PCDHB8: variants seen among roughly 807,000 people sequenced by gnomAD.
The protein encoded by PCDHB8 is protocadherin beta-8.
For synonymous variants in PCDHB8, 385 were observed against 448.5 expected (o/e 0.86, Z 1.79); for missense variants, 836 against 1,004.0 (o/e 0.83, Z 2.26).
rs781830276 is a variant in PCDHB8 at position 141,180,463 on chromosome 5, A to G, written c.*23A>G. The stretch of plus-strand genomic sequence containing the variant: ...TAATTGATTTCATATTATATATTTT[A>G]ATTTTTATGATCAATTCAAAGGAAT... On this transcript the variant is annotated 3_prime_UTR_variant, in exon 1 of 1. Transcript: ENST00000239444. The G allele has an allele frequency of 1.4e-6, 2 of 1,428,466 alleles. No homozygotes were observed. Among genetic ancestry groups the G allele is most frequent in the Non-Finnish European group, 1.9e-6 (2 of 1,073,246 alleles). The allele number at this position is 1,428,466 out of a possible 1,614,324, so 88.5% of individuals were successfully genotyped here.
chr5:141,178,479 C>T lies in PCDHB8; in HGVS notation c.445C>T (p.Pro149Ser). The T allele has an allele frequency of 6.2e-7, 1 of 1,614,154 alleles. No homozygotes were observed. Among genetic ancestry groups the T allele is most frequent in the Non-Finnish European group, 8.5e-7 (1 of 1,180,026 alleles). ...GGTGAAAGTATCAGAGAGCAGTCCT[C>T]CTGGGACTGCGTTTCCTCTGAAGAA... ...MLVKVSESSPPGTAFPLKNAE... is the reference protein window; with the variant it reads ...MLVKVSESSPSGTAFPLKNAE... Residue 149 changes from proline (P) to serine (S), a missense_variant, in exon 1 of 1, where the codon CCT becomes TCT. Physicochemically the swap from Pro to Ser is moderately conservative, Grantham distance 74 (BLOSUM62 -1). Transcript: ENST00000239444.
Position 141,180,265 on chromosome 5 carries a change from G to T in PCDHB8, c.2231G>T (p.Gly744Val). Residue 744 changes from glycine to valine, a missense_variant, in exon 1 of 1, where the codon GGG (glycine) becomes GTG (valine). Physicochemically the swap from Gly to Val is moderately radical, Grantham distance 109 (BLOSUM62 -3). Coordinates refer to ENST00000239444, the MANE Select transcript of PCDHB8 (RefSeq NM_019120.5). ...CATCTGGTGGACGTGAGGGGCACCG[G>T]GAGCCTGTCTCAGAACTATCAGTAC... ...PGHLVDVRGT[G>V]SLSQNYQYEV... The T allele has an allele frequency of 1.2e-6, 2 of 1,613,886 alleles. No homozygotes were observed. Among genetic ancestry groups the T allele is most frequent in the Non-Finnish European group, 1.7e-6 (2 of 1,179,962 alleles).
Position 141,180,311 on chromosome 5 carries a change from C to T in PCDHB8, c.2277C>T (p.Gly759=). 2 of 1,614,068 alleles carry T rather than the reference C, an allele frequency of 1.2e-6. No individual in the cohort carries two copies. The highest frequency in any genetic ancestry group is 1.7e-6 in the Non-Finnish European group (2 of 1,179,966). Residue 759 remains glycine (G), a synonymous_variant, in exon 1 of 1, where the codon GGC becomes GGT. Coordinates refer to ENST00000239444, the MANE Select transcript of PCDHB8 (RefSeq NM_019120.5). ...NYQYEVCLAG[G]SGTNEFQLLK... is the part of the protein sequence containing the mutation. ...AGTACGAGGTGTGCCTGGCAGGAGG[C>T]TCAGGGACGAATGAGTTCCAGCTCC...
chr5:141,179,724 T>C lies in PCDHB8; in HGVS notation c.1690T>C (p.Tyr564His), dbSNP rs782627939. Residue 564 changes from tyrosine to histidine, a missense_variant, in exon 1 of 1, where the codon TAC (tyrosine) becomes CAC (histidine). Coordinates refer to ENST00000239444, the MANE Select transcript of PCDHB8 (RefSeq NM_019120.5). ...CAACGACAACTCGCCCTTCGTGCTG[T>C]ACCCGCTGCAGAATGGCTCCGCGCC... ...DANDNSPFVLYPLQNGSAPCT... is the reference protein window; with the variant it reads ...DANDNSPFVLHPLQNGSAPCT... The C allele has an allele frequency of 6.2e-7, 1 of 1,611,794 alleles. No homozygotes were observed. Among genetic ancestry groups the C allele is most frequent in the South Asian group, 1.1e-5 (1 of 90,988 alleles).
At position 141,179,538 on chromosome 5, in the gene PCDHB8, G is replaced by A. The variant is rs1348378409; in HGVS notation, c.1504G>A (p.Ala502Thr). The change falls in exon 1 of 1, where the codon GCC becomes ACC. Residue 502 changes from alanine to threonine, a missense_variant. By Grantham distance (58) the Ala-to-Thr change is moderately conservative. Transcript: ENST00000239444. Reference protein sequence around the residue: ...LPPQDPHLPLASLVSINTDNG... With the variant: ...LPPQDPHLPLTSLVSINTDNG... ...GCCCCAGGATCCGCACCTGCCCCTC[G>A]CCTCCCTGGTCTCCATCAACACAGA... 9.3e-6 allele frequency: 15 copies of A among 1,613,714 alleles called. No homozygotes were observed. The highest frequency in any genetic ancestry group is 1.7e-4 in the Middle Eastern group (1 of 5,720).
chr5:141,180,429 C>T lies in PCDHB8; in HGVS notation c.2395C>T (p.Gln799Ter). 1.3e-6 allele frequency: 2 copies of T among 1,569,468 alleles called. No homozygotes were observed. Among genetic ancestry groups the T allele is most frequent in the Non-Finnish European group, 1.7e-6 (2 of 1,155,256 alleles). The part of the protein sequence containing the change: ...NFRNGFGFSL[Q>*]LK ...TAGGAATGGCTTTGGTTTCAGCCTTCAGTTAAAGTAATTGATTTCATATTA... is the reference window on the plus strand; with the variant it reads ...TAGGAATGGCTTTGGTTTCAGCCTTTAGTTAAAGTAATTGATTTCATATTA... The change falls in exon 1 of 1, where the codon CAG becomes TAG. Residue 799 changes from glutamine to a stop codon, truncating the protein, a stop_gained. Transcript: ENST00000239444. LOFTEE classifies it high-confidence loss of function.
chr5:141,180,065 T>C lies in PCDHB8; in HGVS notation c.2031T>C (p.Ala677=). 6.2e-7 allele frequency: 1 copy of C among 1,609,954 alleles called. No homozygotes were observed. Among genetic ancestry groups the C allele is most frequent in the South Asian group, 1.1e-5 (1 of 90,988 alleles). The change falls in exon 1 of 1, where the codon GCT becomes GCC. Residue 677 remains alanine, a synonymous_variant. Coordinates refer to ENST00000239444, the MANE Select transcript of PCDHB8 (RefSeq NM_019120.5). ...AGCCCTACCTGCCGCTTCCGGAGGC[T>C]GCCCCAGCCCAGGGCCAGGCCGACT... ...FSQPYLPLPE[A]APAQGQADSL... is the part of the protein sequence containing the mutation.
In PCDHB8 at chr5:141,179,604, G is replaced by C; in HGVS notation, c.1570G>C (p.Ala524Pro). The change falls in exon 1 of 1, where the codon GCC becomes CCC. Residue 524 changes from alanine to proline, a missense_variant. Transcript: ENST00000239444. ...CGCCCTCAGGTCGCTGGACTACGAG[G>C]CCCTGCAGGCGTTCGAGTTCCGGGT... ...LFALRSLDYE[A>P]LQAFEFRVGA... 1 of 1,613,506 alleles carries C rather than the reference G, an allele frequency of 6.2e-7. No individual in the cohort carries two copies. Among genetic ancestry groups the C allele is most frequent in the Non-Finnish European group, 8.5e-7 (1 of 1,179,938 alleles).
chr5:141,178,084 C>T lies in PCDHB8; in HGVS notation c.50C>T (p.Ser17Phe), dbSNP rs782235899. Residue 17 changes from serine to phenylalanine, a missense_variant, in exon 1 of 1, where the codon TCC becomes TTC. Physicochemically the swap from Ser to Phe is radical, Grantham distance 155. Coordinates refer to ENST00000239444, the MANE Select transcript of PCDHB8 (RefSeq NM_019120.5). Reference sequence around the variant, plus strand: ...TGCAGACAAAGGCAAGTCCTTTTTTCCTTTCTCCTTTTGGGCTTATCTCTG... The same window carrying T: ...TGCAGACAAAGGCAAGTCCTTTTTTTCTTTCTCCTTTTGGGCTTATCTCTG... ...LICRQRQVLF[S>F]FLLLGLSLAG... The T allele has an allele frequency of 3.7e-6, 6 of 1,612,434 alleles. No individual in the cohort carries two copies. The highest frequency in any genetic ancestry group is 1.3e-5 in the African/African-American group (1 of 74,192).
chr5:141,180,173 G>T lies in PCDHB8; in HGVS notation c.2139G>T (p.Leu713=), dbSNP rs1753520970. 1.2e-6 allele frequency: 2 copies of T among 1,612,496 alleles called. No individual in the cohort carries two copies. The highest frequency in any genetic ancestry group is 1.7e-6 in the Non-Finnish European group (2 of 1,179,954). The change falls in exon 1 of 1, where the codon CTG becomes CTT. Residue 713 remains leucine, a synonymous_variant. Transcript: ENST00000239444. ...CGGTGCTCCTGTTCGTGGCGGTGCT[G>T]CTGTGTAGGAGGAGCAGGGCGGCCT... The part of the protein sequence containing the change: ...LFSVLLFVAV[L]LCRRSRAASV...
Position 141,179,942 on chromosome 5 carries a change from G to C in PCDHB8, c.1908G>C (p.Ala636=). ...RTARLLSERD[A]AKQRLVVLVK... The stretch of plus-strand genomic sequence containing the variant: ...CCAGGCTGCTGAGCGAGCGCGACGC[G>C]GCCAAGCAGAGGCTGGTGGTGCTGG... The change falls in exon 1 of 1, where the codon GCG becomes GCC. Residue 636 remains alanine, a synonymous_variant. Coordinates refer to ENST00000239444, the MANE Select transcript of PCDHB8 (RefSeq NM_019120.5). The C allele has an allele frequency of 2.6e-6, 4 of 1,556,824 alleles. No homozygotes were observed. Among genetic ancestry groups the C allele is most frequent in the Non-Finnish European group, 3.5e-6 (4 of 1,137,546 alleles).
In PCDHB8 at chr5:141,179,448, G is replaced by A. The variant is rs139165988; in HGVS notation, c.1414G>A (p.Gly472Ser). 3.7e-6 allele frequency: 6 copies of A among 1,613,784 alleles called. No homozygotes were observed. The highest frequency in any genetic ancestry group is 1.3e-5 in the African/African-American group (1 of 74,926). Residue 472 changes from glycine to serine, a missense_variant, in exon 1 of 1, where the codon GGC becomes AGC. By Grantham distance (56) the Gly-to-Ser change is moderately conservative. Transcript: ENST00000239444. Reference protein sequence around the residue: ...RENNSPALHIGSVSATDRDSG... With the variant: ...RENNSPALHISSVSATDRDSG... ...GAACAACAGCCCCGCCCTGCACATCGGCAGCGTCAGCGCCACAGACAGAGA... is the reference window on the plus strand; with the variant it reads ...GAACAACAGCCCCGCCCTGCACATCAGCAGCGTCAGCGCCACAGACAGAGA...
At position 141,180,382 on chromosome 5, in the gene PCDHB8, A is replaced by G; in HGVS notation, c.2348A>G (p.Glu783Gly). The G allele has an allele frequency of 6.2e-7, 1 of 1,610,878 alleles. No homozygotes were observed. Among genetic ancestry groups the G allele is most frequent in the South Asian group, 1.1e-5 (1 of 91,032 alleles). The change falls in exon 1 of 1, where the codon GAA becomes GGA. Residue 783 changes from glutamate (E) to glycine (G), a missense_variant. Glu to Gly is a moderately conservative substitution (Grantham distance 98). Transcript: ENST00000239444. The stretch of plus-strand genomic sequence containing the variant: ...ATTCAGGGCCATTCTTTTGGGCCAG[A>G]AATGGAACAAAACTCTAACTTTAGG... ...PNIQGHSFGP[E>G]MEQNSNFRNG...
chr5:141,179,269 G>T lies in PCDHB8; in HGVS notation c.1235G>T (p.Arg412Ile). ...YTLLTETPLDRESRAEYNVTI... is the reference protein window; with the variant it reads ...YTLLTETPLDIESRAEYNVTI... Reference sequence around the variant, plus strand: ...CTACTAACAGAGACACCACTAGACAGAGAAAGCAGAGCCGAGTACAACGTC... The same window carrying T: ...CTACTAACAGAGACACCACTAGACATAGAAAGCAGAGCCGAGTACAACGTC... Residue 412 changes from arginine to isoleucine, a missense_variant, in exon 1 of 1, where the codon AGA becomes ATA. Coordinates refer to ENST00000239444, the MANE Select transcript of PCDHB8 (RefSeq NM_019120.5). 1 of 1,614,216 alleles carries T rather than the reference G, an allele frequency of 6.2e-7. No individual in the cohort carries two copies.
chr5:141,180,358 T>C lies in PCDHB8; in HGVS notation c.2324T>C (p.Ile775Thr). Residue 775 changes from isoleucine (I) to threonine (T), a missense_variant, in exon 1 of 1, where the codon ATT (isoleucine) becomes ACT (threonine). By Grantham distance (89) the Ile-to-Thr change is moderately conservative. Coordinates refer to ENST00000239444, the MANE Select transcript of PCDHB8 (RefSeq NM_019120.5). ...FQLLKPVLPN[I>T]QGHSFGPEME... The stretch of plus-strand genomic sequence containing the variant: ...CTCCTGAAACCAGTATTACCTAATA[T>C]TCAGGGCCATTCTTTTGGGCCAGAA... 6.2e-7 allele frequency: 1 copy of C among 1,613,810 alleles called. No homozygotes were observed.
chr5:141,178,606 A>G lies in PCDHB8; in HGVS notation c.572A>G (p.Lys191Arg), dbSNP rs1563924152. 6.2e-7 allele frequency: 1 copy of G among 1,613,892 alleles called. No homozygotes were observed. The highest frequency in any genetic ancestry group is 8.5e-7 in the Non-Finnish European group (1 of 1,179,934). The change falls in exon 1 of 1, where the codon AAA (lysine) becomes AGA (arginine). Residue 191 changes from lysine (K) to arginine (R), a missense_variant. Lys to Arg is a conservative substitution (Grantham distance 26). Transcript: ENST00000239444. ...ACCCGCAAACGCAGTGATGGCAGGA[A>G]ATACCCAGAGCTGGTGCTGGACAAA... ...VLTRKRSDGRKYPELVLDKAL... is the reference protein window; with the variant it reads ...VLTRKRSDGRRYPELVLDKAL...
At position 141,179,260 on chromosome 5, in the gene PCDHB8, C is replaced by A. The variant is rs1753470830; in HGVS notation, c.1226C>A (p.Pro409Gln). The A allele has an allele frequency of 6.2e-7, 1 of 1,614,086 alleles. No individual in the cohort carries two copies. Among genetic ancestry groups the A allele is most frequent in the African/African-American group, 1.3e-5 (1 of 74,926 alleles). The change falls in exon 1 of 1, where the codon CCA becomes CAA. Residue 409 changes from proline (P) to glutamine (Q), a missense_variant. Coordinates refer to ENST00000239444, the MANE Select transcript of PCDHB8 (RefSeq NM_019120.5). ...TTTTACACCCTACTAACAGAGACAC[C>A]ACTAGACAGAGAAAGCAGAGCCGAG... ...GNFYTLLTET[P>Q]LDRESRAEYN...
In PCDHB8 at chr5:141,178,718, G is replaced by T. The variant is rs781951954; in HGVS notation, c.684G>T (p.Gln228His). ...CTCCGCCCAGATCTGGCACTGCTCA[G>T]GTCTACATTGAAGTTGTCGATGTCA... ...GGSPPRSGTAQVYIEVVDVND... is the reference protein window; with the variant it reads ...GGSPPRSGTAHVYIEVVDVND... Residue 228 changes from glutamine (Q) to histidine (H), a missense_variant, in exon 1 of 1, where the codon CAG (glutamine) becomes CAT (histidine). Coordinates refer to ENST00000239444, the MANE Select transcript of PCDHB8 (RefSeq NM_019120.5). 6.4e-7 allele frequency: 1 copy of T among 1,568,970 alleles called. No homozygotes were observed. The highest frequency in any genetic ancestry group is 8.8e-7 in the Non-Finnish European group (1 of 1,142,730).
chr5:141,180,245 G>T lies in PCDHB8; in HGVS notation c.2211G>T (p.Leu737=), dbSNP rs782078891. The change falls in exon 1 of 1, where the codon CTG becomes CTT. Residue 737 remains leucine, a synonymous_variant. Coordinates refer to ENST00000239444, the MANE Select transcript of PCDHB8 (RefSeq NM_019120.5). ...SVPEGPFPGH[L]VDVRGTGSLS... ...CTGAGGGCCCCTTTCCAGGGCATCTGGTGGACGTGAGGGGCACCGGGAGCC... is the reference window on the plus strand; with the variant it reads ...CTGAGGGCCCCTTTCCAGGGCATCTTGTGGACGTGAGGGGCACCGGGAGCC... 1.2e-5 allele frequency: 19 copies of T among 1,613,548 alleles called. No individual in the cohort carries two copies. Among genetic ancestry groups the T allele is most frequent in the Non-Finnish European group, 1.6e-5 (19 of 1,179,972 alleles).
Sources: gnomAD v4.1 joint callset for allele counts on GRCh38, gnomAD v4.1.1 for gene constraint, MANE v1.5 for transcripts, NCBI Gene and HGNC (gene_info 2026-07-23, HGNC 2026-07-21) for gene names.